The following RCAN2 variants were observed in gnomAD, a reference collection of about 807,000 sequenced individuals.
RCAN2 encodes calcipressin-2.
RCAN2 carries 9 observed loss-of-function variants against 23.6 expected under a neutral mutation model. The observed-to-expected ratio is 0.38, with a 90% CI of 0.23 to 0.67. The LOEUF is 0.67. Ranked by LOEUF, RCAN2 falls within the 30% of genes least tolerant of loss-of-function variation. The pLI is 0.51. For missense variants in RCAN2, 273 were observed against 302.3 expected (o/e 0.90, Z 0.72); for synonymous variants, 109 against 115.7 (o/e 0.94, Z 0.37).
At chr6:46,271,809 A>C (rs1226958755) in intron 2 of RCAN2, among the ~76,000 whole-genome samples, 1 of 152,170 alleles carries the variant, frequency 6.6e-6, no homozygotes, top group Non-Finnish European at 1.5e-5. Flanking sequence ...AAAGAAGTAC[A>C]TCTCATGCTG....
chr6:46,274,652 T>C (rs2150334915), intron 2 of RCAN2, among the ~76,000 whole-genome samples: 1 of 150,928 alleles, frequency 6.6e-6, no homozygotes, highest in East Asian at 1.9e-4. Flanking sequence ...GAGGGAGGAG[T>C]GACCAGGAAA....
In RCAN2 at chr6:46,223,304, G is replaced by A. The variant is rs1398044107; in HGVS notation, c.572-3C>T. 1 of 1,610,580 alleles carries A rather than the reference G, an allele frequency of 6.2e-7. No homozygotes were observed. Among genetic ancestry groups the A allele is most frequent in the Non-Finnish European group, 8.5e-7 (1 of 1,178,214 alleles). ...TGCATGGAGCTCATACTTCTCTCCT[G>A]AAAAGCAAGAAAAATGGAAGTGAGA... On this transcript the variant is annotated splice_region_variant and splice_polypyrimidine_tract_variant and intron_variant, in intron 4 of 4. Transcript: ENST00000371374.
At chr6:46,332,707 A>G (rs1433455311) in intron 2 of RCAN2, among the ~76,000 whole-genome samples, 7 of 152,044 alleles carry the variant, frequency 4.6e-5, no homozygotes, top group Admixed American at 3.9e-4. Flanking sequence ...CCAGTCTATC[A>G]TTGTTGGACA....
chr6:46,240,662 T>C (rs1391829349), intron 4 of RCAN2, among the ~76,000 whole-genome samples: 1 of 152,210 alleles, frequency 6.6e-6, no homozygotes, highest in Non-Finnish European at 1.5e-5. Flanking sequence ...TATATAATAT[T>C]CATACCACAT....
intron 2 of RCAN2, among the ~76,000 whole-genome samples, chr6:46,311,860 C>A (rs1020520754): frequency 1.3e-5 from 2 of 152,116 alleles, no homozygotes; most frequent in Non-Finnish European, 2.9e-5. Flanking sequence ...CAATATCCAC[C>A]TTCCTCTTCT....
At chr6:46,320,931 G>A (rs970085157) in intron 2 of RCAN2, among the ~76,000 whole-genome samples, 35 of 152,058 alleles carry the variant, frequency 2.3e-4, no homozygotes, top group African/African-American at 4.4e-4. Flanking sequence ...GACAGTGACC[G>A]TCTCAATGGG....
chr6:46,323,746 CT>C (rs1159947614), intron 2 of RCAN2, among the ~76,000 whole-genome samples: 1 of 152,186 alleles, frequency 6.6e-6, no homozygotes, highest in Admixed American at 6.5e-5. Flanking sequence ...ACAAAATATT[CT>C]TTGTCTTTAA....
At chr6:46,256,708 A>G (rs1766929228) in intron 2 of RCAN2, among the ~76,000 whole-genome samples, 1 of 152,208 alleles carries the variant, frequency 6.6e-6, no homozygotes. Context: ...CCAGATTTTT[A>G]AAAAGACTCA....
intron 2 of RCAN2, among the ~76,000 whole-genome samples, chr6:46,314,945 C>A (rs1258158702): frequency 6.6e-6 from 1 of 152,188 alleles, no homozygotes; most frequent in Non-Finnish European, 1.5e-5. Context: ...CTTCTAGTCT[C>A]AGCTACCCGG....
At chr6:46,468,380 T>C (rs6924725) in intron 1 of RCAN2, among the ~76,000 whole-genome samples, 1 of 152,142 alleles carries the variant, frequency 6.6e-6, no homozygotes. Flanking sequence ...ATAGTCTTAC[T>C]TACCCTTCTC....
intron 4 of RCAN2, among the ~76,000 whole-genome samples, chr6:46,232,459 G>T (rs942226798): frequency 6.6e-5 from 10 of 152,078 alleles, no homozygotes; most frequent in Middle Eastern, 3.2e-3. Flanking sequence ...CTAAGCAGTG[G>T]TTCTTAAACA....
chr6:46,331,111 T>C (rs1763955054), intron 2 of RCAN2, among the ~76,000 whole-genome samples: 1 of 152,246 alleles, frequency 6.6e-6, no homozygotes, highest in African/African-American at 2.4e-5. Flanking sequence ...GAACTACTTC[T>C]CATCTACTAT....
intron 1 of RCAN2, among the ~76,000 whole-genome samples, chr6:46,471,727 A>G (rs1768562737): frequency 6.6e-6 from 1 of 152,210 alleles, no homozygotes; most frequent in South Asian, 2.1e-4. Context: ...GTTTAGTGAG[A>G]GAAGAGGTCT....
chr6:46,262,428 T>C (rs1767141415), intron 2 of RCAN2, among the ~76,000 whole-genome samples: 1 of 152,008 alleles, frequency 6.6e-6, no homozygotes, highest in Admixed American at 6.6e-5. Flanking sequence ...AAAATCAACC[T>C]TGGAAGCCTG....
chr6:46,326,881 C>T (rs981122007), intron 2 of RCAN2, among the ~76,000 whole-genome samples: 9 of 152,138 alleles, frequency 5.9e-5, no homozygotes, highest in African/African-American at 2.2e-4. Flanking sequence ...CCAATGTTCC[C>T]CTTCAACAAG....
intron 2 of RCAN2, among the ~76,000 whole-genome samples, chr6:46,332,179 T>A (rs1015602104): frequency 3.9e-5 from 6 of 152,206 alleles, no homozygotes; most frequent in African/African-American, 1.4e-4. Context: ...AATATTTCCA[T>A]GGCTCAAAAA....
chr6:46,221,628 T>C lies in RCAN2; in HGVS notation c.*1513A>G, dbSNP rs531025658. The C allele has an allele frequency of 8.8e-5, 26 of 296,470 alleles. No individual in the cohort carries two copies. The highest frequency in any genetic ancestry group is 1.4e-4 in the Non-Finnish European group (23 of 161,782). The allele number at this position is 296,470 out of a possible 1,614,324, so 18.4% of individuals were successfully genotyped here. A position where few individuals can be genotyped will look rare whatever the true frequency, so the allele number is the denominator to read the frequency against. On this transcript the variant is annotated 3_prime_UTR_variant, in exon 5 of 5. Coordinates refer to ENST00000371374, the MANE Select transcript of RCAN2 (RefSeq NM_001251974.2). ...CGGACTTTAATTTCTGAGTGATCAG[T>C]CTATGTTTTAAGTTTCTGATGAAAC...
At chr6:46,454,909 T>A (rs145880238) in intron 2 of RCAN2, among the ~76,000 whole-genome samples, 17 of 152,328 alleles carry the variant, frequency 1.1e-4, no homozygotes, top group African/African-American at 4.1e-4. Context: ...AATCAGCCAT[T>A]CTTGAGCAGC....
intron 4 of RCAN2, 147 bp from the exon 5 acceptor site, chr6:46,223,448 A>G: frequency 1.4e-6 from 1 of 701,802 alleles, no homozygotes; most frequent in Non-Finnish European, 2.4e-6. Context: ...GGGTGTTGGC[A>G]AGTGGAAAGA....
Sources: allele counts gnomAD v4.1 joint callset (sites outside exome capture counted in the v4.1 genomes callset), GRCh38; gene constraint gnomAD v4.1.1; transcripts MANE v1.5; gene names NCBI Gene and HGNC (gene_info 2026-07-23, HGNC 2026-07-21).